The following NR6A1 variants were observed in gnomAD, a reference collection of about 807,000 sequenced individuals.
The protein encoded by NR6A1 is retinoic acid receptor-related testis-associated receptor.
In NR6A1, 7 loss-of-function variants were observed where a neutral mutation model predicts 59.1. That is an observed-to-expected ratio of 0.12 (90% CI 0.07 to 0.22). The LOEUF (loss-of-function observed/expected upper bound fraction) is 0.22. NR6A1 is among the 10% of genes least tolerant of loss of function. The pLI, the probability that NR6A1 is intolerant of heterozygous loss-of-function variation, is 1.00. For missense variants in NR6A1, 468 were observed against 611.6 expected (o/e 0.77, Z 2.48); for synonymous variants, 243 against 236.1 (o/e 1.03, Z -0.27).
chr9:124,733,434 G>C, intron 1 of NR6A1, 85 bp from the exon 2 acceptor site: 1 of 1,043,992 alleles, frequency 9.6e-7, no homozygotes, highest in Non-Finnish European at 1.5e-6. Flanking sequence ...TACAGTTGGG[G>C]GGAAATCTAT....
chr9:124,524,805 C>T lies in NR6A1; in HGVS notation c.1270G>A (p.Asp424Asn), dbSNP rs372455519. ...LNKRYWYICQDFTEYKYTHQP... is the reference protein window; with the variant it reads ...LNKRYWYICQNFTEYKYTHQP... ...TGTGTGTATTTATATTCAGTAAAAT[C>T]CTGGCAAATGTACCAGTATCGTTTA... Residue 424 changes from aspartate (D) to asparagine (N), a missense_variant, in exon 9 of 10, where the codon GAT becomes AAT. Coordinates refer to ENST00000487099, the MANE Select transcript of NR6A1 (RefSeq NM_033334.4). 1 of 1,613,868 alleles carries T rather than the reference C, an allele frequency of 6.2e-7. No individual in the cohort carries two copies. Among genetic ancestry groups the T allele is most frequent in the South Asian group, 1.1e-5 (1 of 91,066 alleles).
intron 2 of NR6A1, among the ~76,000 whole-genome samples, chr9:124,601,799 A>C (rs1835460437): frequency 6.7e-6 from 1 of 148,206 alleles, no homozygotes; most frequent in African/African-American, 2.5e-5. Flanking sequence ...CCGTCTCTAT[A>C]AAAAAAAAAT....
In NR6A1 at chr9:124,562,671, C is replaced by T. The variant is rs545613260; in HGVS notation, c.143-8101G>A. On this transcript the variant is annotated intron_variant, in intron 2 of 9. Coordinates refer to ENST00000487099, the MANE Select transcript of NR6A1 (RefSeq NM_033334.4). Reference sequence around the variant, plus strand: ...ATCATATTAAATTGCATTTCTTAAACTCCTGCTGATAAATAAGAGCAGATT... The same window carrying T: ...ATCATATTAAATTGCATTTCTTAAATTCCTGCTGATAAATAAGAGCAGATT... Among the ~76,000 whole-genome samples the T allele has an allele frequency of 6.6e-5, 10 of 152,222 alleles. No individual in the cohort carries two copies. In the East Asian group the frequency reaches 1.9e-3, roughly 29 times the overall value.
chr9:124,535,961 G>A lies in NR6A1; in HGVS notation c.996C>T (p.Ser332=). 6.2e-7 allele frequency: 1 copy of A among 1,614,192 alleles called. No individual in the cohort carries two copies. The highest frequency in any genetic ancestry group is 8.5e-7 in the Non-Finnish European group (1 of 1,180,022). The stretch of plus-strand genomic sequence containing the variant: ...AGATCTGCTTGCTGTAAACGGTGAG[G>A]GAAGACAGCAGGATTAGCTCCTGCC... ...STWQELILLS[S]LTVYSKQIFG... is the part of the protein sequence containing the mutation. Residue 332 remains serine (S), a synonymous_variant, in exon 7 of 10, where the codon TCC becomes TCT. Coordinates refer to ENST00000487099, the MANE Select transcript of NR6A1 (RefSeq NM_033334.4).
Position 124,733,325 on chromosome 9 carries a change from T to A in NR6A1, c.125A>T (p.Glu42Val). 6.2e-7 allele frequency: 1 copy of A among 1,613,180 alleles called. No individual in the cohort carries two copies. The highest frequency in any genetic ancestry group is 8.5e-7 in the Non-Finnish European group (1 of 1,179,212). Residue 42 changes from glutamate (E) to valine (V), a missense_variant, in exon 2 of 10, where the codon GAG (glutamate) becomes GTG (valine). This residue lies in a region of NR6A1 where 75 missense variants were observed against 65.6 expected (regional missense o/e 1.14). Coordinates refer to ENST00000487099, the MANE Select transcript of NR6A1 (RefSeq NM_033334.4). The part of the protein sequence containing the change: ...RNGFCQDELA[E>V]LDPGTISVSD... ...GAACTTACTAGTGCCTGGGTCAAGC[T>A]CTGCCAATTCATCCTGACAGAAACC...
At chr9:124,750,762 A>G (rs1840477429) in intron 1 of NR6A1, among the ~76,000 whole-genome samples, 1 of 152,162 alleles carries the variant, frequency 6.6e-6, no homozygotes, top group African/African-American at 2.4e-5. Context: ...TCCGTCTCAA[A>G]AAAATAAATA....
chr9:124,533,927 G>A (rs1564166989), intron 7 of NR6A1, among the ~76,000 whole-genome samples: 1 of 151,478 alleles, frequency 6.6e-6, no homozygotes, highest in Non-Finnish European at 1.5e-5. Context: ...GGGATTACAG[G>A]GGTGAGCCAC....
intron 1 of NR6A1, among the ~76,000 whole-genome samples, chr9:124,743,259 G>C (rs891986138): frequency 2.0e-5 from 3 of 152,172 alleles, no homozygotes; most frequent in African/African-American, 4.8e-5. Context: ...ATTAGCTTTT[G>C]TTTCTCACAG....
At chr9:124,749,984 T>C (rs1840449393) in intron 1 of NR6A1, among the ~76,000 whole-genome samples, 1 of 152,198 alleles carries the variant, frequency 6.6e-6, no homozygotes, top group Non-Finnish European at 1.5e-5. Flanking sequence ...TCTCTGAATA[T>C]GCCTCACATT....
intron 2 of NR6A1, among the ~76,000 whole-genome samples, chr9:124,631,080 C>G (rs373185768): frequency 1.3e-5 from 2 of 152,178 alleles, no homozygotes; most frequent in East Asian, 3.9e-4. Context: ...TTCAGGCAAG[C>G]TCAGTTTCTG....
intron 7 of NR6A1, among the ~76,000 whole-genome samples, chr9:124,534,993 G>A (rs1328609566): frequency 6.6e-6 from 1 of 152,060 alleles, no homozygotes; most frequent in Non-Finnish European, 1.5e-5. Context: ...GCGTGGTGGC[G>A]GGCCCCTATA....
Position 124,521,294 on chromosome 9 carries a change from G to A in NR6A1, c.*1411C>T, listed in dbSNP as rs889612073. 2 of 152,602 alleles carry A rather than the reference G, an allele frequency of 1.3e-5. No homozygotes were observed. Among genetic ancestry groups the A allele is most frequent in the African/African-American group, 2.4e-5 (1 of 41,470 alleles). The allele number at this position is 152,602 out of a possible 1,614,324, so 9.5% of individuals were successfully genotyped here. ...GGGGCAGGTAGTGAGAGGTCAAGGA[G>A]TCCAGGCCATGTCTGCAGAGGTAGC... On this transcript the variant is annotated 3_prime_UTR_variant, in exon 10 of 10. Transcript: ENST00000487099.
At chr9:124,627,877 ATTTTCTTTT>A (rs1430948236) in intron 2 of NR6A1, among the ~76,000 whole-genome samples, 5 of 87,594 alleles carry the variant, frequency 5.7e-5, no homozygotes, top group African/African-American at 2.1e-4. Context: ...CTGGTCTGAG[ATTTTCTTTT>A]TTTTTTTTTT....
chr9:124,729,955 G>A (rs1408090302), intron 2 of NR6A1, among the ~76,000 whole-genome samples: 1 of 152,034 alleles, frequency 6.6e-6, no homozygotes, highest in African/African-American at 2.4e-5. Context: ...TGGGATTACA[G>A]GCATGCGCCA....
intron 2 of NR6A1, among the ~76,000 whole-genome samples, chr9:124,646,008 T>G (rs1836919881): frequency 6.6e-6 from 1 of 151,614 alleles, no homozygotes; most frequent in Non-Finnish European, 1.5e-5. Flanking sequence ...ACAATACAAT[T>G]CTAAATAAAA....
chr9:124,549,958 C>G (rs1470310166), intron 3 of NR6A1, among the ~76,000 whole-genome samples: 1 of 152,234 alleles, frequency 6.6e-6, no homozygotes, highest in Non-Finnish European at 1.5e-5. Flanking sequence ...CTTCTCCAAT[C>G]TGTGACAGCT....
chr9:124,702,713 CT>C, intron 2 of NR6A1, among the ~76,000 whole-genome samples: 1 of 152,182 alleles, frequency 6.6e-6, no homozygotes, highest in South Asian at 2.1e-4. Flanking sequence ...TGTGATGTGC[CT>C]TTTCCCCCCT....
chr9:124,660,648 C>A (rs78360497), intron 2 of NR6A1, among the ~76,000 whole-genome samples: 1,661 of 91,788 alleles, frequency 0.018, no homozygotes, highest in Non-Finnish European at 0.022. Flanking sequence ...TCTGAGAATA[C>A]AAAAAAAAAA....
chr9:124,691,445 G>A (rs912992524), intron 2 of NR6A1, among the ~76,000 whole-genome samples: 2 of 152,186 alleles, frequency 1.3e-5, no homozygotes, highest in African/African-American at 4.8e-5. Flanking sequence ...TCAGCAGGCA[G>A]TTCTGTAAGC....
Sources: allele counts gnomAD v4.1 joint callset (sites outside exome capture counted in the v4.1 genomes callset), GRCh38; gene constraint gnomAD v4.1.1; regional missense constraint gnomAD v4.1.1; transcripts MANE v1.5; gene names NCBI Gene and HGNC (gene_info 2026-07-23, HGNC 2026-07-21).